Variants in NEB observed in about 807,000 individuals in gnomAD.
The protein encoded by NEB is nemaline myopathy type 2.
In NEB, 512 loss-of-function variants were observed where a neutral mutation model predicts 952.2. That is an observed-to-expected ratio of 0.54 (90% CI 0.50 to 0.58). The LOEUF (loss-of-function observed/expected upper bound fraction) is 0.58, where lower values mean the gene tolerates loss of function less well. NEB is among the 20% of genes least tolerant of loss of function. The pLI is 0.00. For missense variants in NEB, 8,428 were observed against 9,231.1 expected (o/e 0.91, Z 3.56); for synonymous variants, 2,900 against 3,149.8 (o/e 0.92, Z 2.66).
In NEB at chr2:151,570,131, C is replaced by A. The variant is rs765593110; in HGVS notation, c.17380G>T (p.Asp5794Tyr). ...TTGGCCTGAATCACATCGTTCTGGT[C>A]GGGCATGCAGGTCCACTGGTGCAGG... is the stretch of plus-strand genomic sequence containing the variant. ...NYLHQWTCMP[D>Y]QNDVIQAKKA... The change falls in exon 109 of 182, where the codon GAC (aspartate) becomes TAC (tyrosine). Residue 5794 changes from aspartate (D) to tyrosine (Y), a missense_variant. Coordinates refer to ENST00000397345, the MANE Select transcript of NEB (RefSeq NM_001164508.2). 6.2e-7 allele frequency: 1 copy of A among 1,612,688 alleles called. No individual in the cohort carries two copies. Among genetic ancestry groups the A allele is most frequent in the Non-Finnish European group, 8.5e-7 (1 of 1,179,252 alleles).
chr2:151,694,435 A>G lies in NEB; in HGVS notation c.1784T>C (p.Val595Ala), dbSNP rs1263736080. The G allele has an allele frequency of 1.2e-6, 2 of 1,613,020 alleles. No individual in the cohort carries two copies. The highest frequency in any genetic ancestry group is 2.2e-5 in the East Asian group (1 of 44,876). ...TTTTTCATAGTCTTTCTTGTACATC[A>G]CCTGCAAAGACATCACACATGCCAG... is the stretch of plus-strand genomic sequence containing the variant. ...AKANTKNTSDVMYKKDYEKNK... is the reference protein window; with the variant it reads ...AKANTKNTSDAMYKKDYEKNK... The change falls in exon 20 of 182, where the codon GTG becomes GCG. Residue 595 changes from valine (V) to alanine (A), a missense_variant and splice_region_variant. Around this residue, in one of 11 missense-constraint regions of NEB, gnomAD observed 2,851 missense variants for 2,791.5 expected, o/e 1.02. Transcript: ENST00000397345.
intron 157 of NEB, 54 bp from the exon 158 acceptor site, chr2:151,514,982 A>T (rs2153324027): frequency 1.8e-6 from 2 of 1,102,546 alleles, no homozygotes; most frequent in East Asian, 2.6e-5. Flanking sequence ...ATTACAATAT[A>T]TCTCTCCATC....
Position 151,514,423 on chromosome 2 carries a change from C to T in NEB, c.23022G>A (p.Glu7674=). ...KYATKIASEK[E]YRKDLEESIR... ...TGCTTTCCTCTAGATCTTTCCTGTA[C>T]TCTTTCTATATCATGAAAGAAAAGC... The change falls in exon 159 of 182, where the codon GAG becomes GAA. Residue 7674 remains glutamate, a synonymous_variant. Transcript: ENST00000397345. The T allele has an allele frequency of 1.2e-6, 2 of 1,604,700 alleles. No individual in the cohort carries two copies. Among genetic ancestry groups the T allele is most frequent in the Non-Finnish European group, 1.7e-6 (2 of 1,171,462 alleles).
In NEB at chr2:151,563,587, A is replaced by T; in HGVS notation, c.18693+19T>A. The T allele has an allele frequency of 6.3e-7, 1 of 1,592,520 alleles. No homozygotes were observed. Among genetic ancestry groups the T allele is most frequent in the Non-Finnish European group, 8.6e-7 (1 of 1,160,358 alleles). Reference sequence around the variant, plus strand: ...ACTTATGGGGCACAAATCCCGTGTTAAAGTGGACATTTACTTACCGCACTC... The same window carrying T: ...ACTTATGGGGCACAAATCCCGTGTTTAAGTGGACATTTACTTACCGCACTC... On this transcript the variant is annotated intron_variant, in intron 119 of 181. Coordinates refer to ENST00000397345, the MANE Select transcript of NEB (RefSeq NM_001164508.2).
chr2:151,632,774 C>T (rs1214107116), intron 65 of NEB, among the ~76,000 whole-genome samples: 4 of 151,920 alleles, frequency 2.6e-5, no homozygotes, highest in African/African-American at 4.8e-5. Context: ...AAGGTCATAT[C>T]GCAGGGTGAG....
intron 107 of NEB, among the ~76,000 whole-genome samples, chr2:151,571,404 G>A (rs528610168): frequency 1.3e-5 from 2 of 152,314 alleles, no homozygotes; most frequent in Admixed American, 1.3e-4. Flanking sequence ...TTGTGTTGGT[G>A]TATTGGTAAC....
rs747709979 is a variant in NEB at position 151,627,694 on chromosome 2, C to A, written c.9972G>T (p.Lys3324Asn). ...SDREYKKDFE[K>N]WKTKFSSPVD... Reference sequence around the variant, plus strand: ...CTGGGCTGCTGAACTTGGTCTTCCACTTCTCAAAGTCCTTCTTATACTCCC... The same window carrying A: ...CTGGGCTGCTGAACTTGGTCTTCCAATTCTCAAAGTCCTTCTTATACTCCC... The change falls in exon 69 of 182, where the codon AAG (lysine) becomes AAT (asparagine). Residue 3324 changes from lysine to asparagine, a missense_variant. Around this residue, in one of 11 missense-constraint regions of NEB, gnomAD observed 1,772 missense variants for 1,960.3 expected, o/e 0.90. Transcript: ENST00000397345. 6.2e-7 allele frequency: 1 copy of A among 1,613,990 alleles called. No homozygotes were observed.
At chr2:151,667,999 C>A in intron 39 of NEB, 88 bp from the exon 40 acceptor site, 2 of 943,314 alleles carry the variant, frequency 2.1e-6, no homozygotes, top group South Asian at 1.5e-5. Flanking sequence ...TAAAACATGT[C>A]GTAATAGATC....
intron 24 of NEB, among the ~76,000 whole-genome samples, chr2:151,689,011 T>C (rs2099524820): frequency 2.0e-5 from 3 of 152,098 alleles, no homozygotes; most frequent in African/African-American, 7.2e-5. Context: ...ATAAGGGGGA[T>C]TGCTGTGTAA....
At chr2:151,718,015 G>A (rs1024638685) in intron 9 of NEB, among the ~76,000 whole-genome samples, 7 of 152,054 alleles carry the variant, frequency 4.6e-5, no homozygotes, top group African/African-American at 1.7e-4. Flanking sequence ...CACCGTGCCC[G>A]GCTAATTTGT....
chr2:151,565,910 A>G (rs1473299377), intron 114 of NEB, 90 bp from the exon 115 acceptor site: 12 of 789,124 alleles, frequency 1.5e-5, no homozygotes, highest in Non-Finnish European at 2.4e-5. Flanking sequence ...AGAAGCTTTT[A>G]AAGGATTTCT....
chr2:151,672,569 C>G lies in NEB; in HGVS notation c.4099G>C (p.Asp1367His). 1 of 1,614,018 alleles carries G rather than the reference C, an allele frequency of 6.2e-7. No individual in the cohort carries two copies. Among genetic ancestry groups the G allele is most frequent in the East Asian group, 2.2e-5 (1 of 44,892 alleles). The change falls in exon 37 of 182, where the codon GAT becomes CAT. Residue 1367 changes from aspartate (D) to histidine (H), a missense_variant. Transcript: ENST00000397345. ...TCATAGTTCTTCTTGTATTCACGATCAGACTGCAGCTTTGCCACATTCATA... is the reference window on the plus strand; with the variant it reads ...TCATAGTTCTTCTTGTATTCACGATGAGACTGCAGCTTTGCCACATTCATA... ...HYMNVAKLQS[D>H]REYKKNYENT...
At chr2:151,516,285 A>T (rs948556003) in intron 157 of NEB, among the ~76,000 whole-genome samples, 174 bp downstream of exon 157, 11 of 152,358 alleles carry the variant, frequency 7.2e-5, no homozygotes, top group East Asian at 1.9e-4. Context: ...GAGCATTTTT[A>T]AAAAATAACT....
rs192094279 is a variant in NEB, at chr2:151,575,644, C to A, written c.17013+51G>T. 12 of 1,275,478 alleles carry A rather than the reference C, an allele frequency of 9.4e-6. No individual in the cohort carries two copies. The Admixed American group carries it at 1.7e-4, about 18-fold the overall frequency. 79.0% of individuals were successfully genotyped at this position (1,275,478 alleles called of 1,614,324 possible). On this transcript the variant is annotated intron_variant, in intron 107 of 181. Coordinates refer to ENST00000397345, the MANE Select transcript of NEB (RefSeq NM_001164508.2). Reference sequence around the variant, plus strand: ...CCTCCCTTCCATGCTCATAGTATAGCCCTGACTGGGTAACTTTCCAAACAA... The same window carrying A: ...CCTCCCTTCCATGCTCATAGTATAGACCTGACTGGGTAACTTTCCAAACAA...
At chr2:151,690,874 T>C (rs2099543575) in intron 23 of NEB, 49 bp from the exon 24 acceptor site, 7 of 1,333,746 alleles carry the variant, frequency 5.2e-6, no homozygotes, top group Non-Finnish European at 6.3e-6. Context: ...TTCTTGGTTA[T>C]ACATGCGCTA....
rs1481139708 is a variant in NEB, at chr2:151,508,044, C to G, written c.23412G>C (p.Glu7804Asp). The change falls in exon 162 of 182, where the codon GAG becomes GAC. Residue 7804 changes from glutamate (E) to aspartate (D), a missense_variant. Glu to Asp is a conservative substitution (Grantham distance 45, BLOSUM62 2). This residue lies in a region of NEB where 3,374 missense variants were observed against 3,651.5 expected (regional missense o/e 0.92). Transcript: ENST00000397345. Reference sequence around the variant, plus strand: ...TTTGGTTCTCCCGGACTCTCTGTATCTCTGGGGTGTCCAAAACAGTCTCAT... The same window carrying G: ...TTTGGTTCTCCCGGACTCTCTGTATGTCTGGGGTGTCCAAAACAGTCTCAT... ...SYYETVLDTP[E>D]IQRVRENQKN... is the part of the protein sequence containing the mutation. The G allele has an allele frequency of 6.2e-7, 1 of 1,611,194 alleles. No individual in the cohort carries two copies. Among genetic ancestry groups the G allele is most frequent in the East Asian group, 2.2e-5 (1 of 44,842 alleles).
Position 151,610,555 on chromosome 2 carries a change from G to A in NEB, c.11979C>T (p.Ser3993=). The change falls in exon 80 of 182, where the codon TCC becomes TCT. Residue 3993 remains serine, a synonymous_variant. Transcript: ENST00000397345. The part of the protein sequence containing the change: ...KDYDLRADAI[S]IKSAKASRDI... ...CCCTGGAGGCCTTGGCACTTTTGATGGAAATAGCATCTGCTCTCAGATCAT... is the reference window on the plus strand; with the variant it reads ...CCCTGGAGGCCTTGGCACTTTTGATAGAAATAGCATCTGCTCTCAGATCAT... 1 of 1,613,632 alleles carries A rather than the reference G, an allele frequency of 6.2e-7. No individual in the cohort carries two copies. The highest frequency in any genetic ancestry group is 8.5e-7 in the Non-Finnish European group (1 of 1,179,642).
chr2:151,655,687 G>T, intron 50 of NEB, 130 bp downstream of exon 50: 1 of 900,592 alleles, frequency 1.1e-6, no homozygotes, highest in Non-Finnish European at 1.7e-6. Flanking sequence ...GATGGTGTAG[G>T]GGAATGATCT....
At chr2:151,576,508 ATATATATATTTTTTTTTT>A (rs1407259328) in intron 105 of NEB, among the ~76,000 whole-genome samples, 154 bp from the exon 106 acceptor site, 8 of 49,984 alleles carry the variant, frequency 1.6e-4, no homozygotes, top group African/African-American at 9.4e-4. Context: ...ATATATATAT[ATATATATATTTTTTTTTT>A]TTTTTTTTTT....
Sources: gnomAD v4.1 joint callset for allele counts (sites outside exome capture counted in the v4.1 genomes callset) on GRCh38, gnomAD v4.1.1 for gene constraint, gnomAD v4.1.1 regional missense constraint, MANE v1.5 for transcripts, NCBI Gene and HGNC (gene_info 2026-07-23, HGNC 2026-07-21) for gene names.